FHIT: variants seen among roughly 807,000 people sequenced by gnomAD.
FHIT encodes the protein fragile histidine triad diadenosine triphosphatase, also known as bis(5'-adenosyl)-triphosphatase.
A neutral mutation model predicts 17.9 loss-of-function variants in FHIT; 19 were observed. The observed-to-expected ratio is 1.06, with a 90% CI of 0.74 to 1.56. FHIT has a LOEUF of 1.56. Ranked by LOEUF, FHIT falls within the 40% of genes most tolerant of loss-of-function variation. FHIT has a pLI of 0.00. For synonymous variants in FHIT, 81 were observed against 69.7 expected (o/e 1.16, Z -0.81); for missense variants, 248 against 189.2 (o/e 1.31, Z -1.82).
chr3:59,758,002 G>A (rs1415420241), intron 8 of FHIT, among the ~76,000 whole-genome samples: 5 of 152,160 alleles, frequency 3.3e-5, no homozygotes, highest in South Asian at 2.1e-4. Flanking sequence ...ATGCAATAAG[G>A]CAGACAGATT....
At chr3:60,932,277 A>T (rs1234152305) in intron 3 of FHIT, among the ~76,000 whole-genome samples, 1 of 152,158 alleles carries the variant, frequency 6.6e-6, no homozygotes, top group Non-Finnish European at 1.5e-5. Flanking sequence ...GCCTTATCCT[A>T]CAGTTTAAGT....
chr3:60,397,006 A>G (rs531465129), intron 5 of FHIT, among the ~76,000 whole-genome samples: 4 of 152,288 alleles, frequency 2.6e-5, no homozygotes, highest in African/African-American at 7.2e-5. Flanking sequence ...CATTGTCCAC[A>G]AAATCACATA....
At chr3:60,434,322 A>G (rs549830582) in intron 5 of FHIT, among the ~76,000 whole-genome samples, 2 of 152,204 alleles carry the variant, frequency 1.3e-5, no homozygotes, top group African/African-American at 4.8e-5. Context: ...CCATATGTGA[A>G]TAGTCACTTT....
chr3:59,948,365 A>G (rs1299632101), intron 7 of FHIT, among the ~76,000 whole-genome samples: 1 of 136,252 alleles, frequency 7.3e-6, no homozygotes, highest in Non-Finnish European at 1.6e-5. Context: ...AAAAAAAAAA[A>G]AATTAGCCGG....
At chr3:60,173,915 A>ATATATATATATATATATATATT in intron 5 of FHIT, among the ~76,000 whole-genome samples, 3 of 66,444 alleles carry the variant, frequency 4.5e-5, no homozygotes, top group Non-Finnish European at 8.3e-5. Flanking sequence ...ATATATATAT[A>ATATATATATATATATATATATT]TGTTTTTTTT....
At chr3:60,739,226 A>G (rs1343763216) in intron 4 of FHIT, among the ~76,000 whole-genome samples, 1 of 152,198 alleles carries the variant, frequency 6.6e-6, no homozygotes, top group Non-Finnish European at 1.5e-5. Context: ...AGGATGCTGG[A>G]CAAGAGCTTG....
chr3:60,437,065 C>T (rs1178700745), intron 5 of FHIT, among the ~76,000 whole-genome samples: 2 of 152,052 alleles, frequency 1.3e-5, no homozygotes, highest in Non-Finnish European at 2.9e-5. Context: ...AATCTCTTCC[C>T]CCTGTTCACA....
rs554287776 is a variant in FHIT, at chr3:61,235,658, C to T, written c.-213+15643G>A. Among the ~76,000 whole-genome samples the T allele has an allele frequency of 2.3e-3, 342 of 151,818 alleles. 2 individuals carry two copies. The highest frequency in any genetic ancestry group is 3.6e-3 in the Non-Finnish European group (242 of 67,946). ...CGGAGGTTGCAGTGAGCCAAGATTG[C>T]GCCACTGCACTCCAGCCTGGATGAC... On this transcript the variant is annotated intron_variant, in intron 1 of 9. Coordinates refer to ENST00000492590, the MANE Select transcript of FHIT (RefSeq NM_002012.4).
intron 5 of FHIT, among the ~76,000 whole-genome samples, chr3:60,469,431 A>G (rs556988433): frequency 9.2e-5 from 14 of 152,244 alleles, no homozygotes; most frequent in East Asian, 1.9e-4. Context: ...TATTTCTGCT[A>G]TTAACAGACT....
intron 5 of FHIT, among the ~76,000 whole-genome samples, chr3:60,170,811 C>G (rs1251072096): frequency 6.6e-6 from 1 of 152,120 alleles, no homozygotes; most frequent in African/African-American, 2.4e-5. Flanking sequence ...AACAGGTAAT[C>G]TATATAATTT....
At chr3:60,114,692 C>T (rs1704874584) in intron 5 of FHIT, among the ~76,000 whole-genome samples, 1 of 151,676 alleles carries the variant, frequency 6.6e-6, no homozygotes, top group Non-Finnish European at 1.5e-5. Flanking sequence ...TGAGGTGTCA[C>T]CGTCTTTGCC....
intron 3 of FHIT, among the ~76,000 whole-genome samples, chr3:60,852,555 G>A (rs2106918913): frequency 6.6e-6 from 1 of 152,134 alleles, no homozygotes; most frequent in Non-Finnish European, 1.5e-5. Flanking sequence ...TCTTTATGAA[G>A]TATGTAATAT....
At chr3:60,364,401 C>A (rs1254645032) in intron 5 of FHIT, among the ~76,000 whole-genome samples, 2 of 152,240 alleles carry the variant, frequency 1.3e-5, no homozygotes, top group Non-Finnish European at 2.9e-5. Flanking sequence ...CTATCATACT[C>A]TGTAAGCACC....
At position 59,775,799 on chromosome 3, in the gene FHIT, C is replaced by G. The variant is rs779976278; in HGVS notation, c.349-23478G>C. Among the ~76,000 whole-genome samples, 157 of 152,156 alleles carry G rather than the reference C, an allele frequency of 1.0e-3. 3 individuals carry two copies. Among genetic ancestry groups the G allele is most frequent in the Non-Finnish European group, 2.5e-4 (17 of 68,042 alleles). ...AGCATAATTCTTAAAGGTCTGAACT[C>G]TACACTCACAGATGGCCTCTGAGAG... On this transcript the variant is annotated intron_variant, in intron 8 of 9. Transcript: ENST00000492590.
intron 4 of FHIT, among the ~76,000 whole-genome samples, chr3:60,646,887 T>A (rs1423830109): frequency 6.6e-6 from 1 of 152,150 alleles, no homozygotes; most frequent in African/African-American, 2.4e-5. Flanking sequence ...GAAGAGAAAA[T>A]GTGGATTACA....
intron 4 of FHIT, among the ~76,000 whole-genome samples, chr3:60,700,281 C>A (rs1360020443): frequency 6.6e-6 from 1 of 152,082 alleles, no homozygotes; most frequent in Non-Finnish European, 1.5e-5. Flanking sequence ...TATCCTTCTA[C>A]ATCTTTTTCT....
intron 5 of FHIT, among the ~76,000 whole-genome samples, chr3:60,203,374 T>C (rs1703007683): frequency 6.6e-6 from 1 of 152,182 alleles, no homozygotes; most frequent in South Asian, 2.1e-4. Flanking sequence ...CAAAAAATAT[T>C]TGTATGATAA....
intron 2 of FHIT, among the ~76,000 whole-genome samples, chr3:61,185,820 C>A (rs1312629747): frequency 6.6e-6 from 1 of 152,176 alleles, no homozygotes; most frequent in Non-Finnish European, 1.5e-5. Flanking sequence ...CTATTTTCTT[C>A]TCTTAGCTGA....
At chr3:60,393,180 T>C (rs906822333) in intron 5 of FHIT, among the ~76,000 whole-genome samples, 11 of 152,222 alleles carry the variant, frequency 7.2e-5, no homozygotes, top group East Asian at 5.8e-4. Context: ...CAAGATTGCA[T>C]TGACCCCCAA....
Sources: gnomAD v4.1 joint callset for allele counts (sites outside exome capture counted in the v4.1 genomes callset) on GRCh38, gnomAD v4.1.1 for gene constraint, MANE v1.5 for transcripts, NCBI Gene and HGNC (gene_info 2026-07-23, HGNC 2026-07-21) for gene names.